The following WNK1 variants were observed in gnomAD, a reference collection of about 807,000 sequenced individuals.
WNK1 encodes serine/threonine-protein kinase WNK1.
In WNK1, 38 loss-of-function variants were observed where a neutral mutation model predicts 222.8. The observed-to-expected ratio is 0.17, with a 90% CI of 0.13 to 0.22. WNK1 has a LOEUF of 0.22. WNK1 is among the 10% of genes least tolerant of loss of function. The pLI is 1.00. For synonymous variants in WNK1, 1,090 were observed against 1,092.9 expected (o/e 1.00, Z 0.05); for missense variants, 2,348 against 2,918.4 (o/e 0.80, Z 4.50).
At position 910,517 on chromosome 12, in the gene WNK1, A is replaced by AATT. The variant is rs1187636431; in HGVS notation, c.*1729_*1731dup. 2 of 152,016 alleles carry AATT rather than the reference A, an allele frequency of 1.3e-5. No individual in the cohort carries two copies. Among genetic ancestry groups the AATT allele is most frequent in the African/African-American group, 4.8e-5 (2 of 41,410 alleles). The allele number at this position is 152,016 out of a possible 1,614,324, so 9.4% of individuals were successfully genotyped here. ...TGCCTCCTTGTAATGGGTAGTTATT[A>AATT]ATTATTTTCAGAGCTTTCCGGAAAT... is the stretch of plus-strand genomic sequence containing the variant. On this transcript the variant is annotated 3_prime_UTR_variant, in exon 28 of 28. Transcript: ENST00000315939.
chr12:879,529 T>G, intron 10 of WNK1, 44 bp from the exon 11 acceptor site: 1 of 1,097,120 alleles, frequency 9.1e-7, no homozygotes. Context: ...TTTTTTTTTT[T>G]TTTTTTTTAA....
chr12:767,947 A>G (rs1941982179), intron 1 of WNK1, among the ~76,000 whole-genome samples: 2 of 152,268 alleles, frequency 1.3e-5, no homozygotes, highest in African/African-American at 2.4e-5. Flanking sequence ...ACCACTCTAG[A>G]TGGCTCCTTT....
At chr12:851,848 A>G (rs544645645) in intron 4 of WNK1, 1 of 1,188,026 alleles carries the variant, frequency 8.4e-7, no homozygotes, top group Admixed American at 3.0e-5. Context: ...ATTGGTAGAA[A>G]GTTTCCAATA....
chr12:883,588 AGTGAAACTTT>A lies in WNK1; in HGVS notation c.3663+23_3663+32del, dbSNP rs776879799. ...TCTCAGGTAGGTTCACCACTCCCAT[AGTGAAACTTT>A]GTTGATTTAAAATATTTTCATAGTT... On this transcript the variant is annotated intron_variant, in intron 16 of 27. Coordinates refer to ENST00000315939, the MANE Select transcript of WNK1 (RefSeq NM_018979.4). 2.5e-6 allele frequency: 4 copies of A among 1,614,074 alleles called. No homozygotes were observed. Among genetic ancestry groups the A allele is most frequent in the Non-Finnish European group, 3.4e-6 (4 of 1,179,914 alleles).
Position 885,059 on chromosome 12 carries a change from C to T in WNK1, c.4255C>T (p.Pro1419Ser). The change falls in exon 19 of 28, where the codon CCT becomes TCT. Residue 1419 changes from proline (P) to serine (S), a missense_variant. Transcript: ENST00000315939. ...LSSVVSSITIPAVVSISTTSP... is the reference protein window; with the variant it reads ...LSSVVSSITISAVVSISTTSP... ...CAGCGTAGTTTCAAGTATCACAATA[C>T]CTGCAGTTGTCTCAATATCTACTAC... 1 of 1,614,192 alleles carries T rather than the reference C, an allele frequency of 6.2e-7. No homozygotes were observed. The highest frequency in any genetic ancestry group is 8.5e-7 in the Non-Finnish European group (1 of 1,180,032).
intron 14 of WNK1, among the ~76,000 whole-genome samples, chr12:882,636 T>C (rs572243642): frequency 1.3e-5 from 2 of 152,342 alleles, no homozygotes; most frequent in Non-Finnish European, 2.9e-5. Flanking sequence ...CTTAGATGAA[T>C]TGATGAATGT....
Position 896,201 on chromosome 12 carries a change from T to C in WNK1, c.5714T>C (p.Val1905Ala). ...AGTAGTAGTCCAGAGAGTACCTTGG[T>C]GAAACCAGAGCCGAATGGCATAACC... ...LSSSSPESTL[V>A]KPEPNGITIP... The change falls in exon 24 of 28, where the codon GTG (valine) becomes GCG (alanine). Residue 1905 changes from valine (V) to alanine (A), a missense_variant. Transcript: ENST00000315939. 6.2e-7 allele frequency: 1 copy of C among 1,614,200 alleles called. No individual in the cohort carries two copies. Among genetic ancestry groups the C allele is most frequent in the South Asian group, 1.1e-5 (1 of 91,078 alleles).
intron 4 of WNK1, among the ~76,000 whole-genome samples, chr12:845,188 C>T (rs1949944499): frequency 6.6e-6 from 1 of 152,132 alleles, no homozygotes; most frequent in Non-Finnish European, 1.5e-5. Flanking sequence ...AGCCACCGCG[C>T]CCGGCCTGTA....
chr12:843,274 C>T (rs1949767732), intron 4 of WNK1, among the ~76,000 whole-genome samples: 1 of 152,100 alleles, frequency 6.6e-6, no homozygotes, highest in African/African-American at 2.4e-5. Flanking sequence ...TATCAGTAAT[C>T]CTTTACACTC....
intron 22 of WNK1, 65 bp downstream of exon 22, chr12:890,578 G>A: frequency 6.4e-7 from 1 of 1,572,172 alleles, no homozygotes; most frequent in Non-Finnish European, 8.7e-7. Context: ...GATTCAGGAG[G>A]TTTACCGTTT....
chr12:872,349 A>G (rs1187457210), intron 9 of WNK1, among the ~76,000 whole-genome samples: 10 of 152,076 alleles, frequency 6.6e-5, no homozygotes, highest in African/African-American at 2.4e-4. Flanking sequence ...GCGTTTCACC[A>G]TGTTGGCCAG....
At chr12:796,029 T>C (rs1945285122) in intron 1 of WNK1, among the ~76,000 whole-genome samples, 1 of 152,002 alleles carries the variant, frequency 6.6e-6, no homozygotes, top group African/African-American at 2.4e-5. Context: ...CCCTCCACCA[T>C]GCCCAGCTAA....
At chr12:877,407 G>A (rs1395529982) in intron 9 of WNK1, among the ~76,000 whole-genome samples, 2 of 152,078 alleles carry the variant, frequency 1.3e-5, no homozygotes, top group Non-Finnish European at 2.9e-5. Context: ...TACTCTAGGG[G>A]TCATAGTCCT....
intron 1 of WNK1, among the ~76,000 whole-genome samples, chr12:758,397 T>TC (rs1188262853): frequency 7.8e-6 from 1 of 127,902 alleles, no homozygotes; most frequent in Non-Finnish European, 1.7e-5. Flanking sequence ...TTTTTTTTTT[T>TC]TGAGACGGAG....
At chr12:783,311 AC>A (rs1424883081) in intron 1 of WNK1, among the ~76,000 whole-genome samples, 1 of 152,164 alleles carries the variant, frequency 6.6e-6, no homozygotes, top group Non-Finnish European at 1.5e-5. Context: ...TTTACACTTA[AC>A]ATATCTCGGT....
intron 1 of WNK1, among the ~76,000 whole-genome samples, chr12:795,553 A>G (rs963822750): frequency 1.3e-5 from 2 of 152,154 alleles, no homozygotes; most frequent in Non-Finnish European, 2.9e-5. Context: ...GATGTAAGAC[A>G]TGACTTGCTC....
At chr12:889,082 T>C (rs1953951961) in intron 20 of WNK1, 58 bp from the exon 21 acceptor site, 2 of 1,374,258 alleles carry the variant, frequency 1.5e-6, no homozygotes, top group Non-Finnish European at 2.1e-6. Flanking sequence ...AAATTGGCTA[T>C]ATATCGTGAC....
chr12:878,033 A>G (rs943565219), intron 9 of WNK1, 179 bp from the exon 10 acceptor site: 1 of 771,234 alleles, frequency 1.3e-6, no homozygotes, highest in Non-Finnish European at 2.1e-6. Flanking sequence ...CACCATCACA[A>G]AGAACATCAG....
At chr12:841,769 G>A (rs527412506) in intron 4 of WNK1, among the ~76,000 whole-genome samples, 21 of 152,218 alleles carry the variant, frequency 1.4e-4, no homozygotes, top group East Asian at 1.2e-3. Flanking sequence ...GGACTTTCTC[G>A]TGTCATTTTC....
Sources: gnomAD v4.1 joint callset for allele counts (sites outside exome capture counted in the v4.1 genomes callset) on GRCh38, gnomAD v4.1.1 for gene constraint, MANE v1.5 for transcripts, NCBI Gene and HGNC (gene_info 2026-07-23, HGNC 2026-07-21) for gene names.